Variants in CCDC179 observed in about 807,000 individuals in gnomAD.
CCDC179 encodes the protein coiled-coil domain containing 179.
CCDC179 carries 17 observed loss-of-function variants against 12.0 expected under a neutral mutation model. The observed-to-expected ratio is 1.42, with a 90% CI of 0.97 to 2.13. The LOEUF (loss-of-function observed/expected upper bound fraction) is 2.13, where lower values mean the gene tolerates loss of function less well. Among genes scored for constraint, CCDC179 ranks in the 30% most tolerant of loss-of-function variants. The probability of loss-of-function intolerance (pLI) is 0.00; values close to 1 mark genes in which losing one functional copy is unlikely to be tolerated. For synonymous variants in CCDC179, 27 were observed against 26.4 expected, an observed-to-expected ratio of 1.02 and a Z score of -0.07; for missense variants, 83 against 78.6, an observed-to-expected ratio of 1.06 and a Z score of -0.21.
intron 3 of CCDC179, among the ~76,000 whole-genome samples, chr11:22,855,434 A>G (rs1371167931): frequency 1.3e-5 from 2 of 151,654 alleles, no homozygotes; most frequent in African/African-American, 2.4e-5. Context: ...GAAATTAAGA[A>G]CATACTTACA....
chr11:22,854,499 A>T (rs1858490472), intron 3 of CCDC179, among the ~76,000 whole-genome samples: 1 of 151,824 alleles, frequency 6.6e-6, no homozygotes, highest in Non-Finnish European at 1.5e-5. Context: ...TTTGAAAGTG[A>T]ACTTGAACAA....
Position 22,860,386 on chromosome 11 carries a change from T to A in CCDC179, c.36A>T (p.Gln12His). 3.3e-6 allele frequency: 5 copies of A among 1,535,552 alleles called. No individual in the cohort carries two copies. Among genetic ancestry groups the A allele is most frequent in the Non-Finnish European group, 4.4e-6 (5 of 1,146,638 alleles). ...CLYCWDIEPS[Q>H]VNPEGPRQHH... ...GCCCCAGCAGACTCACAGGGTTGAC[T>A]TGGGAAGGCTCGATGTCCCAGCAAT... Residue 12 changes from glutamine to histidine, a missense_variant, in exon 1 of 4, where the codon CAA becomes CAT. Transcript: ENST00000532798.
At chr11:22,854,270 A>C (rs1858485672) in intron 3 of CCDC179, among the ~76,000 whole-genome samples, 1 of 151,880 alleles carries the variant, frequency 6.6e-6, no homozygotes, top group Non-Finnish European at 1.5e-5. Flanking sequence ...AGAGCATTAG[A>C]AATGAAAAAA....
At chr11:22,857,577 A>G (rs1358980914) in intron 3 of CCDC179, among the ~76,000 whole-genome samples, 2 of 151,780 alleles carry the variant, frequency 1.3e-5, no homozygotes, top group South Asian at 2.1e-4. Flanking sequence ...AATACATAAG[A>G]GAACTAATGT....
intron 3 of CCDC179, among the ~76,000 whole-genome samples, chr11:22,851,361 G>C (rs566966185): frequency 1.1e-4 from 17 of 152,126 alleles, no homozygotes; most frequent in African/African-American, 4.1e-4. Flanking sequence ...GGAAGTTACA[G>C]AAAGATAATC....
chr11:22,855,737 G>T (rs1318531894), intron 3 of CCDC179, among the ~76,000 whole-genome samples: 1 of 151,416 alleles, frequency 6.6e-6, no homozygotes, highest in African/African-American at 2.4e-5. Flanking sequence ...ATGCAATAGA[G>T]AAAATTAATG....
intron 3 of CCDC179, among the ~76,000 whole-genome samples, chr11:22,848,548 C>T (rs909082991): frequency 3.3e-5 from 5 of 152,108 alleles, no homozygotes; most frequent in Admixed American, 6.5e-5. Flanking sequence ...CTCTGTTGTA[C>T]TGGGCAAAAG....
chr11:22,853,368 A>G (rs1858457244), intron 3 of CCDC179, among the ~76,000 whole-genome samples: 1 of 152,182 alleles, frequency 6.6e-6, no homozygotes, highest in Admixed American at 6.5e-5. Flanking sequence ...TTCTAATAGA[A>G]GAAGTGGACA....
intron 3 of CCDC179, among the ~76,000 whole-genome samples, chr11:22,854,808 C>A (rs1041691801): frequency 6.6e-6 from 1 of 151,692 alleles, no homozygotes; most frequent in Non-Finnish European, 1.5e-5. Context: ...ATACAATACA[C>A]AACTGTATGT....
Position 22,859,486 on chromosome 11 carries a change from C to T in CCDC179, c.56G>A (p.Arg19Lys), listed in dbSNP as rs1412940508. 6.7e-7 allele frequency: 1 copy of T among 1,497,678 alleles called. No individual in the cohort carries two copies. Among genetic ancestry groups the T allele is most frequent in the Non-Finnish European group, 8.9e-7 (1 of 1,125,426 alleles). The allele number at this position is 1,497,678 out of a possible 1,614,324, so 92.8% of individuals were successfully genotyped here. A position where few individuals can be genotyped will look rare whatever the true frequency, so the allele number is the denominator to read the frequency against. ...AGTGACCTCTGAAGGATGATGTTGT[C>T]TTGGTCCTTCCTATATAATAAACAA... Reference protein sequence around the residue: ...EPSQVNPEGPRQHHPSEVTER... With the variant: ...EPSQVNPEGPKQHHPSEVTER... Residue 19 changes from arginine to lysine, a missense_variant, in exon 2 of 4, where the codon AGA (arginine) becomes AAA (lysine). Physicochemically the swap from Arg to Lys is conservative, Grantham distance 26. Transcript: ENST00000532798.
chr11:22,860,465 T>C lies in CCDC179; in HGVS notation c.-44A>G. 1 of 1,514,554 alleles carries C rather than the reference T, an allele frequency of 6.6e-7. No homozygotes were observed. The highest frequency in any genetic ancestry group is 8.8e-7 in the Non-Finnish European group (1 of 1,136,434). The allele number at this position is 1,514,554 out of a possible 1,614,324, so 93.8% of individuals were successfully genotyped here. A position where few individuals can be genotyped will look rare whatever the true frequency, so the allele number is the denominator to read the frequency against. ...GCCCCCTGACGCCTACTGCCTGTCC[T>C]GGACCAAATGATTATGGGGCCCCAC... is the stretch of plus-strand genomic sequence containing the variant. On this transcript the variant is annotated 5_prime_UTR_variant, in exon 1 of 4. Transcript: ENST00000532798.
intron 3 of CCDC179, among the ~76,000 whole-genome samples, chr11:22,848,646 A>C: frequency 6.6e-6 from 1 of 152,154 alleles, no homozygotes; most frequent in Admixed American, 6.5e-5. Flanking sequence ...CTGTTATTGC[A>C]TTTTTTTCTT....
intron 3 of CCDC179, among the ~76,000 whole-genome samples, chr11:22,848,638 G>A (rs1858292260): frequency 1.3e-5 from 2 of 152,102 alleles, no homozygotes; most frequent in South Asian, 2.1e-4. Flanking sequence ...TACAAAAACT[G>A]TTATTGCATT....
At chr11:22,855,149 A>T (rs1306531743) in intron 3 of CCDC179, among the ~76,000 whole-genome samples, 8 of 151,742 alleles carry the variant, frequency 5.3e-5, no homozygotes, top group Non-Finnish European at 1.0e-4. Flanking sequence ...TGACAGATCT[A>T]GCAGGCAGAA....
At chr11:22,850,976 A>ATATATATTT (rs1554920538) in intron 3 of CCDC179, among the ~76,000 whole-genome samples, 1 of 6,124 alleles carries the variant, frequency 1.6e-4, no homozygotes, top group Non-Finnish European at 4.4e-4. Context: ...ATATATATAT[A>ATATATATTT]TTTTTTTTTT....
Position 22,860,444 on chromosome 11 carries a change from C to T in CCDC179, c.-23G>A. On this transcript the variant is annotated 5_prime_UTR_variant, in exon 1 of 4. Coordinates refer to ENST00000532798, the MANE Select transcript of CCDC179 (RefSeq NM_001195637.2). ...CATGCCGTGGAGCCTTAGGGCGCCC[C>T]CTGACGCCTACTGCCTGTCCTGGAC... The T allele has an allele frequency of 2.0e-6, 3 of 1,531,942 alleles. No individual in the cohort carries two copies. The highest frequency in any genetic ancestry group is 1.4e-5 in the African/African-American group (1 of 73,048). 94.9% of individuals were successfully genotyped at this position (1,531,942 alleles called of 1,614,324 possible).
chr11:22,850,255 T>G (rs566295938), intron 3 of CCDC179, among the ~76,000 whole-genome samples: 19 of 152,320 alleles, frequency 1.2e-4, no homozygotes, highest in African/African-American at 4.6e-4. Context: ...TGGAGCTGCT[T>G]TTCATTAAAG....
rs971795068 is a variant in CCDC179 at position 22,847,063 on chromosome 11, A to G, written c.*447T>C. 1 of 152,336 alleles carries G rather than the reference A, an allele frequency of 6.6e-6. No individual in the cohort carries two copies. Among genetic ancestry groups the G allele is most frequent in the Non-Finnish European group, 1.5e-5 (1 of 68,138 alleles). The allele number at this position is 152,336 out of a possible 1,614,324, so 9.4% of individuals were successfully genotyped here. On this transcript the variant is annotated 3_prime_UTR_variant, in exon 4 of 4. Transcript: ENST00000532798. ...GCAACACAAAATACAGGAGTTAGTT[A>G]TAATAACAGTCTCCTAGGACTGTTT...
intron 3 of CCDC179, among the ~76,000 whole-genome samples, chr11:22,855,537 G>C (rs2134844235): frequency 6.6e-6 from 1 of 151,568 alleles, no homozygotes; most frequent in Admixed American, 6.6e-5. Context: ...AAATTTATGG[G>C]ATATAGTGAA....
Sources: allele counts gnomAD v4.1 joint callset (sites outside exome capture counted in the v4.1 genomes callset), GRCh38; gene constraint gnomAD v4.1.1; transcripts MANE v1.5; gene names NCBI Gene and HGNC (gene_info 2026-07-23, HGNC 2026-07-21).